The following GRIN2B variants were observed in gnomAD, a reference collection of about 807,000 sequenced individuals.
The protein encoded by GRIN2B is glutamate receptor ionotropic, NMDA 2B.
Under a neutral mutation model 114.5 loss-of-function variants are expected in GRIN2B, and 5 were observed. The ratio of observed to expected loss-of-function variants is 0.04; its 90% CI spans 0.02 to 0.09. GRIN2B has a LOEUF of 0.09. Among genes scored for constraint, GRIN2B ranks in the 10% least tolerant of loss-of-function variants. The probability of loss-of-function intolerance (pLI) is 1.00; values close to 1 mark genes in which losing one functional copy is unlikely to be tolerated. For synonymous variants in GRIN2B, 787 were observed against 745.1 expected (o/e 1.06, Z -0.92); for missense variants, 1,108 against 1,943.5 (o/e 0.57, Z 8.08).
At chr12:13,709,636 G>A (rs1336969547) in intron 4 of GRIN2B, among the ~76,000 whole-genome samples, 2 of 151,986 alleles carry the variant, frequency 1.3e-5, no homozygotes, top group East Asian at 3.9e-4. Context: ...CCTTCTCCTT[G>A]AGGCTCTAAG....
chr12:13,638,935 T>C (rs762172763), intron 5 of GRIN2B, among the ~76,000 whole-genome samples: 2 of 151,970 alleles, frequency 1.3e-5, no homozygotes, highest in Non-Finnish European at 2.9e-5. Flanking sequence ...GATGAGCCCC[T>C]CTTTGCACGT....
chr12:13,675,577 T>C (rs1950065486), intron 5 of GRIN2B, among the ~76,000 whole-genome samples, 168 bp downstream of exon 5: 1 of 152,284 alleles, frequency 6.6e-6, no homozygotes, highest in East Asian at 1.9e-4. Flanking sequence ...AAATAGCAAG[T>C]AAATGAACAT....
At chr12:13,625,143 T>C (rs757828883) in intron 5 of GRIN2B, among the ~76,000 whole-genome samples, 14 of 152,230 alleles carry the variant, frequency 9.2e-5, no homozygotes, top group Non-Finnish European at 1.6e-4. Flanking sequence ...ATATTATTAA[T>C]TGCCTACAAT....
intron 2 of GRIN2B, among the ~76,000 whole-genome samples, chr12:13,931,124 G>GA (rs1313474403): frequency 2.0e-5 from 3 of 152,246 alleles, no homozygotes; most frequent in East Asian, 3.9e-4. Flanking sequence ...GGTTTGAACA[G>GA]AAAAAATATT....
chr12:13,692,387 G>C (rs1040854595), intron 4 of GRIN2B, among the ~76,000 whole-genome samples: 1 of 152,034 alleles, frequency 6.6e-6, no homozygotes, highest in African/African-American at 2.4e-5. Context: ...ACATACAGCA[G>C]GTCCTCAAAT....
intron 8 of GRIN2B, among the ~76,000 whole-genome samples, chr12:13,612,315 G>A (rs1760455382): frequency 6.6e-6 from 1 of 152,178 alleles, no homozygotes; most frequent in Non-Finnish European, 1.5e-5. Context: ...TTTTAGAGTT[G>A]AATTTGTTCA....
In GRIN2B at chr12:13,611,861, G is replaced by GA. The variant is rs768388356; in HGVS notation, c.1655-12dup. 212 of 1,612,160 alleles carry GA rather than the reference G, an allele frequency of 1.3e-4. No homozygotes were observed. Among genetic ancestry groups the GA allele is most frequent in the Admixed American group, 2.5e-4 (15 of 59,852 alleles). On this transcript the variant is annotated splice_polypyrimidine_tract_variant and intron_variant, in intron 8 of 13. Transcript: ENST00000609686. ...CAGCGCTGAATGGCTCTGAGGAAGG[G>GA]AAAAAAGCAGTGCTCAGGGTTAGAA...
intron 3 of GRIN2B, among the ~76,000 whole-genome samples, chr12:13,806,534 G>A (rs1276402376): frequency 7.2e-5 from 11 of 152,098 alleles, no homozygotes; most frequent in Non-Finnish European, 1.5e-5. Flanking sequence ...TTTGAGAAAT[G>A]TCTTTTTGGG....
chr12:13,934,596 G>A (rs1188412155), intron 2 of GRIN2B, among the ~76,000 whole-genome samples: 1 of 152,192 alleles, frequency 6.6e-6, no homozygotes, highest in African/African-American at 2.4e-5. Flanking sequence ...ACCCCAGGTT[G>A]ATACCCTCTT....
chr12:13,730,077 A>G (rs1354464786), intron 4 of GRIN2B, among the ~76,000 whole-genome samples: 2 of 150,664 alleles, frequency 1.3e-5, no homozygotes, highest in African/African-American at 4.9e-5. Context: ...CCTTCCTCCT[A>G]TCGTGAAGCA....
At chr12:13,890,991 C>A (rs1471108434) in intron 2 of GRIN2B, among the ~76,000 whole-genome samples, 1 of 152,118 alleles carries the variant, frequency 6.6e-6, no homozygotes, top group Non-Finnish European at 1.5e-5. Flanking sequence ...TACACATTAG[C>A]CAAGCCAGCC....
At chr12:13,634,846 C>A (rs1009766075) in intron 5 of GRIN2B, among the ~76,000 whole-genome samples, 1 of 152,150 alleles carries the variant, frequency 6.6e-6, no homozygotes, top group Admixed American at 6.5e-5. Flanking sequence ...TAGTTAGGAT[C>A]CTGTTATCTG....
rs901388170 is a variant in GRIN2B at position 13,546,509 on chromosome 12, C to T, written c.*16274G>A. 3.3e-5 allele frequency: 5 copies of T among 152,188 alleles called. No individual in the cohort carries two copies. Among genetic ancestry groups the T allele is most frequent in the African/African-American group, 1.2e-4 (5 of 41,440 alleles). 9.4% of individuals were successfully genotyped at this position (152,188 alleles called of 1,614,324 possible). A position where few individuals can be genotyped will look rare whatever the true frequency, so the allele number is the denominator to read the frequency against. On this transcript the variant is annotated 3_prime_UTR_variant, in exon 14 of 14. Transcript: ENST00000609686. ...ATCGTCTCTTCACCACCAAACCATT[C>T]TACCCCAATTTCCCTCTTCTTTGTT... is the stretch of plus-strand genomic sequence containing the variant.
At chr12:13,625,521 T>C (rs1011128703) in intron 5 of GRIN2B, among the ~76,000 whole-genome samples, 4 of 152,202 alleles carry the variant, frequency 2.6e-5, no homozygotes, top group Non-Finnish European at 5.9e-5. Context: ...CTGCAAGTAT[T>C]TGCTATTTTT....
At chr12:13,779,469 C>CATTTTAA (rs1864067558) in intron 3 of GRIN2B, among the ~76,000 whole-genome samples, 1 of 152,136 alleles carries the variant, frequency 6.6e-6, no homozygotes, top group East Asian at 1.9e-4. Context: ...GCAAGCCACA[C>CATTTTAA]ATGTAATTTT....
chr12:13,777,149 C>G (rs114408212), intron 3 of GRIN2B, among the ~76,000 whole-genome samples: 1 of 152,138 alleles, frequency 6.6e-6, no homozygotes, highest in South Asian at 2.1e-4. Flanking sequence ...ATGGATGTTT[C>G]AGCCCACATC....
Position 13,559,790 on chromosome 12 carries a change from G to T in GRIN2B, c.*2993C>A, listed in dbSNP as rs1215483498. ...TCTGAGGGTGGAGATGGGGCAGGGA[G>T]TGAGTCAGCGCCCAGGTCCTAAAGA... On this transcript the variant is annotated 3_prime_UTR_variant, in exon 14 of 14. Transcript: ENST00000609686. 1 of 152,246 alleles carries T rather than the reference G, an allele frequency of 6.6e-6. No homozygotes were observed. Among genetic ancestry groups the T allele is most frequent in the Non-Finnish European group, 1.5e-5 (1 of 68,050 alleles). The allele number at this position is 152,246 out of a possible 1,614,324, so 9.4% of individuals were successfully genotyped here.
intron 3 of GRIN2B, among the ~76,000 whole-genome samples, chr12:13,794,135 G>A (rs1208255403): frequency 2.0e-5 from 3 of 148,674 alleles, no homozygotes; most frequent in African/African-American, 7.4e-5. Context: ...AGCTTGGGAG[G>A]TGGAGGTTGT....
In GRIN2B at chr12:13,546,416, T is replaced by G. The variant is rs1948343290; in HGVS notation, c.*16367A>C. 6.6e-6 allele frequency: 1 copy of G among 152,260 alleles called. No homozygotes were observed. The highest frequency in any genetic ancestry group is 2.1e-4 in the South Asian group (1 of 4,834). 9.4% of individuals were successfully genotyped at this position (152,260 alleles called of 1,614,324 possible). A position where few individuals can be genotyped will look rare whatever the true frequency, so the allele number is the denominator to read the frequency against. On this transcript the variant is annotated 3_prime_UTR_variant, in exon 14 of 14. Transcript: ENST00000609686. Reference sequence around the variant, plus strand: ...CATCAATGGCAGCACAGCCTCTCCTTCTGCCAGAGCTCACAGGGAATGACA... The same window carrying G: ...CATCAATGGCAGCACAGCCTCTCCTGCTGCCAGAGCTCACAGGGAATGACA...
Sources: allele counts gnomAD v4.1 joint callset (sites outside exome capture counted in the v4.1 genomes callset), GRCh38; gene constraint gnomAD v4.1.1; transcripts MANE v1.5; gene names NCBI Gene and HGNC (gene_info 2026-07-23, HGNC 2026-07-21).